The following SLC22A15 variants were observed in gnomAD, a reference collection of about 807,000 sequenced individuals.
The protein encoded by SLC22A15 is flipt 1.
In SLC22A15, 45 loss-of-function variants were observed where a neutral mutation model predicts 62.7. The observed-to-expected ratio is 0.72, with a 90% CI of 0.56 to 0.92. SLC22A15 has a LOEUF of 0.92. Ranked by LOEUF, SLC22A15 falls within the 40% of genes least tolerant of loss-of-function variation. The probability of loss-of-function intolerance (pLI) is 0.00; values close to 1 mark genes in which losing one functional copy is unlikely to be tolerated. For synonymous variants in SLC22A15, 264 were observed against 267.0 expected, an observed-to-expected ratio of 0.99 and a Z score of 0.11; for missense variants, 622 against 665.6, an observed-to-expected ratio of 0.93 and a Z score of 0.72.
intron 5 of SLC22A15, among the ~76,000 whole-genome samples, chr1:116,029,754 A>G (rs1657300236): frequency 6.6e-6 from 1 of 152,340 alleles, no homozygotes; most frequent in East Asian, 1.9e-4. Flanking sequence ...GCTTATAAAC[A>G]ATTTTGAAAA....
At chr1:116,039,738 C>T (rs1657732955) in intron 8 of SLC22A15, among the ~76,000 whole-genome samples, 1 of 152,092 alleles carries the variant, frequency 6.6e-6, no homozygotes, top group Admixed American at 6.5e-5. Context: ...TCTATGCTTG[C>T]AAAGTCTTCC....
At chr1:116,046,044 C>T (rs1302478835) in intron 8 of SLC22A15, among the ~76,000 whole-genome samples, 2 of 152,022 alleles carry the variant, frequency 1.3e-5, no homozygotes, top group African/African-American at 2.4e-5. Flanking sequence ...ACTGGATCTC[C>T]ATATACAAAA....
chr1:115,988,259 A>C (rs1415347775), intron 1 of SLC22A15, among the ~76,000 whole-genome samples: 1 of 152,088 alleles, frequency 6.6e-6, no homozygotes, highest in Non-Finnish European at 1.5e-5. Flanking sequence ...GATGGGTGCA[A>C]TTTTATTAGG....
At chr1:115,999,693 G>C (rs895727848) in intron 2 of SLC22A15, among the ~76,000 whole-genome samples, 1 of 151,652 alleles carries the variant, frequency 6.6e-6, no homozygotes, top group Non-Finnish European at 1.5e-5. Flanking sequence ...TAGTAGTGAT[G>C]GTGTTTCATG....
intron 5 of SLC22A15, among the ~76,000 whole-genome samples, chr1:116,029,870 C>T (rs1355962934): frequency 1.3e-5 from 2 of 152,112 alleles, no homozygotes; most frequent in African/African-American, 4.8e-5. Flanking sequence ...TCCCAATCCT[C>T]CCCAAAATAA....
chr1:115,992,158 T>C lies in SLC22A15; in HGVS notation c.215T>C (p.Phe72Ser). 1.2e-6 allele frequency: 2 copies of C among 1,613,158 alleles called. No homozygotes were observed. The highest frequency in any genetic ancestry group is 2.2e-5 in the South Asian group (2 of 90,818). ...GNQSAGEDQAFGDWLLTANGS... is the reference protein window; with the variant it reads ...GNQSAGEDQASGDWLLTANGS... ...CAGTCAGCTGGTGAAGACCAGGCCTTTGGGGACTGGCTCCTGACAGCCAAC... is the reference window on the plus strand; with the variant it reads ...CAGTCAGCTGGTGAAGACCAGGCCTCTGGGGACTGGCTCCTGACAGCCAAC... The change falls in exon 2 of 12, where the codon TTT becomes TCT. Residue 72 changes from phenylalanine (F) to serine (S), a missense_variant. Physicochemically the swap from Phe to Ser is radical, Grantham distance 155. Coordinates refer to ENST00000369503, the MANE Select transcript of SLC22A15 (RefSeq NM_018420.3).
chr1:116,019,815 T>C lies in SLC22A15; in HGVS notation c.433+101T>C, dbSNP rs1029361052. ...CTATTTCCTTAAGGTTCTCCGGGAA[T>C]TGGCATATGGACACAGAACTGATCT... On this transcript the variant is annotated intron_variant, in intron 3 of 11. Coordinates refer to ENST00000369503, the MANE Select transcript of SLC22A15 (RefSeq NM_018420.3). 2.3e-6 allele frequency: 3 copies of C among 1,278,342 alleles called. No homozygotes were observed. In the African/African-American group the frequency reaches 4.5e-5, roughly 19 times the overall value. The allele number at this position is 1,278,342 out of a possible 1,614,324, so 79.2% of individuals were successfully genotyped here.
chr1:116,038,009 C>T (rs1657679860), intron 8 of SLC22A15, among the ~76,000 whole-genome samples: 1 of 152,128 alleles, frequency 6.6e-6, no homozygotes, highest in African/African-American at 2.4e-5. Flanking sequence ...TGATTACTGC[C>T]CCTGTGTAGA....
intron 8 of SLC22A15, among the ~76,000 whole-genome samples, chr1:116,037,892 T>C (rs945893117): frequency 1.3e-5 from 2 of 152,222 alleles, no homozygotes; most frequent in Non-Finnish European, 2.9e-5. Flanking sequence ...CTTAGTCTTA[T>C]ATAAATGTGA....
chr1:115,982,410 C>T (rs1654652767), intron 1 of SLC22A15, among the ~76,000 whole-genome samples: 1 of 152,062 alleles, frequency 6.6e-6, no homozygotes, highest in South Asian at 2.1e-4. Flanking sequence ...ATTGTATATC[C>T]ATCTTTTTTG....
intron 8 of SLC22A15, among the ~76,000 whole-genome samples, chr1:116,053,880 G>A (rs1370656538): frequency 6.6e-6 from 1 of 151,768 alleles, no homozygotes; most frequent in African/African-American, 2.4e-5. Flanking sequence ...CACCAGGCCT[G>A]CCCTAAAAGA....
intron 1 of SLC22A15, among the ~76,000 whole-genome samples, chr1:115,981,386 A>C (rs932914774): frequency 2.0e-5 from 3 of 152,126 alleles, no homozygotes; most frequent in African/African-American, 7.2e-5. Flanking sequence ...CTACTGTCAA[A>C]TTTTATTTCA....
chr1:115,979,334 T>G (rs1341375260), intron 1 of SLC22A15, among the ~76,000 whole-genome samples: 1 of 152,196 alleles, frequency 6.6e-6, no homozygotes, highest in Non-Finnish European at 1.5e-5. Context: ...ATTTTTGGAA[T>G]CTCAATAGCA....
intron 8 of SLC22A15, among the ~76,000 whole-genome samples, chr1:116,038,444 T>A (rs1657690808): frequency 6.6e-6 from 1 of 152,210 alleles, no homozygotes; most frequent in African/African-American, 2.4e-5. Context: ...ACTCTGCTGT[T>A]GATTGCCCCC....
At position 116,020,953 on chromosome 1, in the gene SLC22A15, T is replaced by A; in HGVS notation, c.598+68T>A. ...CAGAAAATTTTATAGGGACCCAGTT[T>A]AATCCTAGAGTCTGGAAATGCATTT... On this transcript the variant is annotated intron_variant, in intron 4 of 11. Transcript: ENST00000369503. 4 of 1,416,718 alleles carry A rather than the reference T, an allele frequency of 2.8e-6. No homozygotes were observed. In the South Asian group the frequency reaches 5.7e-5, roughly 20 times the overall value. The allele number at this position is 1,416,718 out of a possible 1,614,324, so 87.8% of individuals were successfully genotyped here.
chr1:116,034,402 C>T (rs989317581), intron 6 of SLC22A15, among the ~76,000 whole-genome samples: 2 of 152,168 alleles, frequency 1.3e-5, no homozygotes, highest in Non-Finnish European at 1.5e-5. Context: ...TTGGCTTCCT[C>T]AGCTCTTTAG....
chr1:115,996,030 G>A (rs981351409), intron 2 of SLC22A15, among the ~76,000 whole-genome samples: 1 of 152,062 alleles, frequency 6.6e-6, no homozygotes, highest in Non-Finnish European at 1.5e-5. Context: ...GCCTTTTAGA[G>A]CCACACCCAC....
At chr1:116,055,459 C>A (rs1007115059) in intron 8 of SLC22A15, among the ~76,000 whole-genome samples, 148 of 149,708 alleles carry the variant, frequency 9.9e-4, no homozygotes, top group African/African-American at 3.4e-3. Context: ...GATTCACAGC[C>A]AAATTCTACC....
chr1:116,017,397 A>G (rs1362451650), intron 2 of SLC22A15: 1 of 152,130 alleles, frequency 6.6e-6, no homozygotes, highest in Non-Finnish European at 1.5e-5. Context: ...AAAGAAAAAA[A>G]AGGAAAGAAA....
Sources: allele counts gnomAD v4.1 joint callset (sites outside exome capture counted in the v4.1 genomes callset), GRCh38; gene constraint gnomAD v4.1.1; transcripts MANE v1.5; gene names NCBI Gene and HGNC (gene_info 2026-07-23, HGNC 2026-07-21).